FANCI: variants seen among roughly 807,000 people sequenced by gnomAD.
FANCI encodes FA complementation group I, also known as Fanconi anemia group I protein.
A neutral mutation model predicts 176.1 loss-of-function variants in FANCI; 156 were observed. That is an observed-to-expected ratio of 0.89 (90% CI 0.78 to 1.01). The LOEUF is 1.01. Ranked by LOEUF, FANCI falls within the 50% of genes least tolerant of loss-of-function variation. The pLI, the probability that FANCI is intolerant of heterozygous loss-of-function variation, is 0.00. For synonymous variants in FANCI, 613 were observed against 541.7 expected (o/e 1.13, Z -1.83); for missense variants, 1,678 against 1,534.1 (o/e 1.09, Z -1.57).
chr15:89,282,197 G>A (rs2053641210), intron 16 of FANCI: 1 of 300,240 alleles, frequency 3.3e-6, no homozygotes, highest in African/African-American at 2.2e-5. Flanking sequence ...TACTACATTA[G>A]AATAATCTTC....
chr15:89,315,279 T>C lies in FANCI; in HGVS notation c.3817-3T>C, dbSNP rs1430791655. The C allele has an allele frequency of 1.9e-6, 3 of 1,609,782 alleles. No individual in the cohort carries two copies. Among genetic ancestry groups the C allele is most frequent in the South Asian group, 2.2e-5 (2 of 91,008 alleles). On this transcript the variant is annotated splice_polypyrimidine_tract_variant and splice_region_variant and intron_variant, in intron 36 of 37. Transcript: ENST00000310775. ...ATGTCCCATGCTTACAATCTTGTCA[T>C]AGGTGAACCTGATGCAGCACATGAA...
chr15:89,308,547 G>A (rs1456459328), intron 34 of FANCI, among the ~76,000 whole-genome samples: 5 of 152,180 alleles, frequency 3.3e-5, no homozygotes, highest in Admixed American at 2.6e-4. Flanking sequence ...TGGTAGTGAT[G>A]CTTCACTTGT....
chr15:89,307,640 C>G lies in FANCI; in HGVS notation c.3619C>G (p.Pro1207Ala), dbSNP rs759758760. Residue 1207 changes from proline (P) to alanine (A), a missense_variant, in exon 34 of 38, where the codon CCC becomes GCC. Around this residue, in one of 3 missense-constraint regions of FANCI, gnomAD observed 1,204 missense variants for 1,077.4 expected, o/e 1.12. Transcript: ENST00000310775. ...GAAGCTGTCTGGTTCTCATCTGACC[C>G]CCCTGTGTTATTCTTTCATTTCTTA... The part of the protein sequence containing the change: ...LVKLSGSHLT[P>A]LCYSFISYVQ... 5 of 1,614,000 alleles carry G rather than the reference C, an allele frequency of 3.1e-6. No homozygotes were observed. The African/African-American group carries it at 6.7e-5, about 22-fold the overall frequency.
chr15:89,298,609 C>G (rs1319710994), intron 24 of FANCI, among the ~76,000 whole-genome samples: 1 of 151,886 alleles, frequency 6.6e-6, no homozygotes, highest in African/African-American at 2.4e-5. Context: ...AGGAAATAGA[C>G]AAAAGCACAA....
chr15:89,299,775 A>G lies in FANCI; in HGVS notation c.2637-25A>G, dbSNP rs901317157. Reference sequence around the variant, plus strand: ...TATCTCGGTGAACCTGTCTTTAAAAACAATACCACTTTCTCCTGCTTCAGA... The same window carrying G: ...TATCTCGGTGAACCTGTCTTTAAAAGCAATACCACTTTCTCCTGCTTCAGA... On this transcript the variant is annotated intron_variant, in intron 24 of 37. Coordinates refer to ENST00000310775, the MANE Select transcript of FANCI (RefSeq NM_001113378.2). 3 of 1,610,852 alleles carry G rather than the reference A, an allele frequency of 1.9e-6. No homozygotes were observed. The African/African-American group carries it at 4.0e-5, about 22-fold the overall frequency.
In FANCI at chr15:89,273,382, A is replaced by G. The variant is rs1343795059; in HGVS notation, c.888A>G (p.Gly296=). 6.3e-7 allele frequency: 1 copy of G among 1,577,842 alleles called. No individual in the cohort carries two copies. Among genetic ancestry groups the G allele is most frequent in the Non-Finnish European group, 8.7e-7 (1 of 1,148,526 alleles). Reference sequence around the variant, plus strand: ...TTTTGGTTGCTCTCTTCTAGGTAGGACAGCAAGGAGATTCCAATAATAACT... The same window carrying G: ...TTTTGGTTGCTCTCTTCTAGGTAGGGCAGCAAGGAGATTCCAATAATAACT... ...GRELVKHLKV[G]QQGDSNNNLS... Residue 296 remains glycine, a synonymous_variant, in exon 11 of 38, where the codon GGA becomes GGG. Transcript: ENST00000310775.
chr15:89,276,588 T>G, intron 12 of FANCI, 123 bp from the exon 13 acceptor site: 2 of 1,020,512 alleles, frequency 2.0e-6, no homozygotes. Flanking sequence ...AAGAAAAGGT[T>G]TATATGCAGA....
chr15:89,286,414 G>T (rs2053819377), intron 18 of FANCI, among the ~76,000 whole-genome samples: 1 of 152,148 alleles, frequency 6.6e-6, no homozygotes, highest in Admixed American at 6.5e-5. Context: ...TACAACTACT[G>T]ACTTGTGATT....
chr15:89,247,569 A>G (rs1045121734), intron 1 of FANCI, 60 bp from the exon 2 acceptor site: 13 of 1,231,122 alleles, frequency 1.1e-5, no homozygotes, highest in Middle Eastern at 1.9e-4. Flanking sequence ...GGGAAGGAAA[A>G]CAAATCAAGT....
At chr15:89,281,737 C>T (rs1436443629) in intron 15 of FANCI, 28 bp from the exon 16 acceptor site, 2 of 1,608,166 alleles carry the variant, frequency 1.2e-6, no homozygotes, top group Non-Finnish European at 1.7e-6. Flanking sequence ...CAAACTTGTT[C>T]TGTTTTTACC....
chr15:89,263,068 A>G (rs2052782652), intron 6 of FANCI, among the ~76,000 whole-genome samples: 1 of 152,212 alleles, frequency 6.6e-6, no homozygotes, highest in African/African-American at 2.4e-5. Flanking sequence ...ACCTTTTATA[A>G]GCATGTACAT....
At chr15:89,298,601 G>A (rs1430613802) in intron 24 of FANCI, among the ~76,000 whole-genome samples, 1 of 151,868 alleles carries the variant, frequency 6.6e-6, no homozygotes, top group Non-Finnish European at 1.5e-5. Context: ...CAGAAGGAAG[G>A]AAATAGACAA....
intron 6 of FANCI, among the ~76,000 whole-genome samples, chr15:89,262,432 G>A (rs1251198600): frequency 6.6e-6 from 1 of 152,088 alleles, no homozygotes; most frequent in Admixed American, 6.6e-5. Context: ...TGTAAACTAT[G>A]TAAGTTAAGG....
At chr15:89,297,647 AG>A (rs1393880304) in intron 24 of FANCI, among the ~76,000 whole-genome samples, 2 of 151,998 alleles carry the variant, frequency 1.3e-5, no homozygotes, top group Non-Finnish European at 2.9e-5. Flanking sequence ...GGCACTCGGC[AG>A]GCTGAGGCAG....
chr15:89,295,162 G>T, intron 24 of FANCI, 68 bp downstream of exon 24: 1 of 1,482,534 alleles, frequency 6.7e-7, no homozygotes, highest in Non-Finnish European at 9.0e-7. Context: ...AACAAACTGG[G>T]AACAGAGGAT....
rs2151579826 is a variant in FANCI, at chr15:89,283,122, T to G, written c.1584-14T>G. The G allele has an allele frequency of 6.2e-6, 10 of 1,614,114 alleles. No homozygotes were observed. Among genetic ancestry groups the G allele is most frequent in the Non-Finnish European group, 7.6e-6 (9 of 1,179,958 alleles). On this transcript the variant is annotated splice_polypyrimidine_tract_variant and intron_variant, in intron 16 of 37. Transcript: ENST00000310775. ...AAATAGTACTGTTTGTTAACTTCTCTATTTCTGAGCTAGCCAGCTTGATGC... is the reference window on the plus strand; with the variant it reads ...AAATAGTACTGTTTGTTAACTTCTCGATTTCTGAGCTAGCCAGCTTGATGC...
chr15:89,254,067 A>G (rs1351064311), intron 2 of FANCI, among the ~76,000 whole-genome samples: 1 of 152,104 alleles, frequency 6.6e-6, no homozygotes, highest in Non-Finnish European at 1.5e-5. Flanking sequence ...TGAAGCAAAG[A>G]TGCCATAGTT....
chr15:89,272,818 T>C lies in FANCI; in HGVS notation c.883-559T>C, dbSNP rs146656579. ...CCGAGTAGCTGGGATTACAGGTGTG[T>C]GCCACCACTCCCAGCTAATTTTTGT... On this transcript the variant is annotated intron_variant, in intron 10 of 37. Transcript: ENST00000310775. Among the ~76,000 whole-genome samples, 408 of 152,100 alleles carry C rather than the reference T, an allele frequency of 2.7e-3. 8 individuals carry two copies. Among genetic ancestry groups the C allele is most frequent in the East Asian group, 0.015 (75 of 5,146 alleles).
In FANCI at chr15:89,286,977, CTTT is replaced by C. The variant is rs543431700; in HGVS notation, c.1821+1778_1821+1780del. Among the ~76,000 whole-genome samples the C allele has an allele frequency of 3.4e-4, 29 of 86,034 alleles. 1 individual carries two copies. Among genetic ancestry groups the C allele is most frequent in the African/African-American group, 1.1e-3 (24 of 21,182 alleles). 56.4% of individuals were successfully genotyped at this position (86,034 alleles called of 152,430 possible). Reference sequence around the variant, plus strand: ...TCAGCATTTGCTGCTTCACCTTGCACTTTTTTTTTTTTTTTTTTTTTGAGTCTC... The same window carrying C: ...TCAGCATTTGCTGCTTCACCTTGCACTTTTTTTTTTTTTTTTTTGAGTCTC... On this transcript the variant is annotated intron_variant, in intron 18 of 37. Transcript: ENST00000310775.
Sources: gnomAD v4.1 joint callset for allele counts (sites outside exome capture counted in the v4.1 genomes callset) on GRCh38, gnomAD v4.1.1 for gene constraint, gnomAD v4.1.1 regional missense constraint, MANE v1.5 for transcripts, NCBI Gene and HGNC (gene_info 2026-07-23, HGNC 2026-07-21) for gene names.